IGF1R: variants seen among roughly 807,000 people sequenced by gnomAD.
The protein encoded by IGF1R is insulin-like growth factor 1 receptor.
Under a neutral mutation model 144.6 loss-of-function variants are expected in IGF1R, and 44 were observed. The ratio of observed to expected loss-of-function variants is 0.30; its 90% CI spans 0.24 to 0.39. The LOEUF (loss-of-function observed/expected upper bound fraction) is 0.39. Among genes scored for constraint, IGF1R ranks in the 10% least tolerant of loss-of-function variants. IGF1R has a pLI of 1.00. For missense variants in IGF1R, 1,355 were observed against 1,833.7 expected, an observed-to-expected ratio of 0.74 and a Z score of 4.77; for synonymous variants, 795 against 722.8, an observed-to-expected ratio of 1.10 and a Z score of -1.60.
chr15:98,661,751 C>T (rs1298546382), intron 1 of IGF1R, among the ~76,000 whole-genome samples: 3 of 152,180 alleles, frequency 2.0e-5, no homozygotes, highest in African/African-American at 7.2e-5. Flanking sequence ...AATAACACTG[C>T]TCTAGCAGGG....
intron 2 of IGF1R, among the ~76,000 whole-genome samples, chr15:98,837,938 C>T (rs1313128690): frequency 6.6e-6 from 1 of 152,208 alleles, no homozygotes; most frequent in Admixed American, 6.5e-5. Context: ...CATTGAGACT[C>T]TGCAGAATGC....
rs151035604 is a variant in IGF1R at position 98,869,199 on chromosome 15, T to C, written c.641-22126T>C. Among the ~76,000 whole-genome samples the C allele has an allele frequency of 2.7e-3, 408 of 152,276 alleles. 3 individuals are homozygous for C. Among genetic ancestry groups the C allele is most frequent in the African/African-American group, 9.5e-3 (394 of 41,544 alleles). On this transcript the variant is annotated intron_variant, in intron 2 of 20. Coordinates refer to ENST00000650285, the MANE Select transcript of IGF1R (RefSeq NM_000875.5). ...CTGTTGAAACATAGGAAAGTACTTA[T>C]CCGCCAGGAAACTCCCTTCTATTAT...
At chr15:98,718,682 C>T (rs566507232) in intron 2 of IGF1R, among the ~76,000 whole-genome samples, 2 of 152,282 alleles carry the variant, frequency 1.3e-5, no homozygotes, top group East Asian at 3.9e-4. Context: ...AGTGCTTGGA[C>T]GTGTTTTAGC....
chr15:98,916,619 A>T, intron 9 of IGF1R, 53 bp from the exon 10 acceptor site: 1 of 1,444,738 alleles, frequency 6.9e-7, no homozygotes, highest in South Asian at 1.1e-5. Context: ...CCTTACAAGC[A>T]TGTATAACGG....
chr15:98,656,806 C>A (rs73473423), intron 1 of IGF1R, among the ~76,000 whole-genome samples: 2 of 152,108 alleles, frequency 1.3e-5, no homozygotes, highest in Non-Finnish European at 2.9e-5. Context: ...TCCATCCATC[C>A]GTCCATCGTC....
At chr15:98,924,995 C>CT (rs5814912) in intron 13 of IGF1R, among the ~76,000 whole-genome samples, 126 of 148,612 alleles carry the variant, frequency 8.5e-4, no homozygotes, top group East Asian at 2.8e-3. Context: ...CATTCAAAGA[C>CT]TTTTTTTTTT....
At chr15:98,698,728 A>C (rs1394873105) in intron 1 of IGF1R, among the ~76,000 whole-genome samples, 1 of 152,248 alleles carries the variant, frequency 6.6e-6, no homozygotes, top group Non-Finnish European at 1.5e-5. Flanking sequence ...ATACTAGCCC[A>C]GTCCTTTTCC....
chr15:98,927,306 A>C (rs1254868988), intron 13 of IGF1R, among the ~76,000 whole-genome samples: 1 of 152,118 alleles, frequency 6.6e-6, no homozygotes, highest in African/African-American at 2.4e-5. Context: ...TCCTCAGAGG[A>C]GATGGAAGGT....
intron 2 of IGF1R, among the ~76,000 whole-genome samples, chr15:98,751,814 C>T (rs1298379739): frequency 6.6e-6 from 1 of 152,070 alleles, no homozygotes; most frequent in Non-Finnish European, 1.5e-5. Context: ...GGAGAAGCTT[C>T]CCACGAATAA....
At chr15:98,779,700 C>G (rs375790828) in intron 2 of IGF1R, among the ~76,000 whole-genome samples, 2 of 152,332 alleles carry the variant, frequency 1.3e-5, no homozygotes, top group South Asian at 2.1e-4. Flanking sequence ...GCACTTGACT[C>G]GAGCCTCTCC....
rs918905824 is a variant in IGF1R at position 98,767,416 on chromosome 15, T to A, written c.640+59309T>A. ...GAAGGGCATTTTGATACATGAGGCA[T>A]AACTGTAATTATCCGGTGGGGCTTG... is the stretch of plus-strand genomic sequence containing the variant. On this transcript the variant is annotated intron_variant, in intron 2 of 20. Transcript: ENST00000650285. Among the ~76,000 whole-genome samples the A allele has an allele frequency of 3.3e-5, 5 of 152,326 alleles. No homozygotes were observed. The East Asian group carries it at 9.7e-4, about 29-fold the overall frequency.
intron 2 of IGF1R, among the ~76,000 whole-genome samples, chr15:98,814,188 G>T (rs1316720803): frequency 2.6e-5 from 4 of 152,158 alleles, no homozygotes; most frequent in African/African-American, 9.7e-5. Flanking sequence ...ACTAGATCCT[G>T]TTGCAAAACC....
intron 2 of IGF1R, among the ~76,000 whole-genome samples, chr15:98,811,251 T>C (rs2056583545): frequency 6.7e-6 from 1 of 149,422 alleles, no homozygotes; most frequent in African/African-American, 2.5e-5. Context: ...CGGTGAGCCA[T>C]GGCTCATGCA....
intron 1 of IGF1R, among the ~76,000 whole-genome samples, chr15:98,690,391 A>G (rs540676447): frequency 2.6e-5 from 4 of 152,298 alleles, no homozygotes; most frequent in African/African-American, 9.6e-5. Context: ...AACAGGAGGT[A>G]AGGAGTAAAC....
chr15:98,725,918 G>T (rs4965431), intron 2 of IGF1R, among the ~76,000 whole-genome samples: 1 of 151,958 alleles, frequency 6.6e-6, no homozygotes, highest in African/African-American at 2.4e-5. Flanking sequence ...AGAATAGCAC[G>T]GGAAAGACCA....
rs1464508935 is a variant in IGF1R at position 98,688,376 on chromosome 15, ACTTT to A, written c.95-19179_95-19176del. ...CCACACTCTCTCTCCCCCGCTCCCA[ACTTT>A]CTTTCTCTCTTCGACTCACCACACA... On this transcript the variant is annotated intron_variant, in intron 1 of 20. Transcript: ENST00000650285. Among the ~76,000 whole-genome samples the A allele has an allele frequency of 3.0e-5, 3 of 99,922 alleles. No homozygotes were observed. In the East Asian group the frequency reaches 9.6e-4, roughly 32 times the overall value. The allele number at this position is 99,922 out of a possible 152,430, so 65.6% of individuals were successfully genotyped here. A position where few individuals can be genotyped will look rare whatever the true frequency, so the allele number is the denominator to read the frequency against.
At chr15:98,944,286 G>T (rs543523276) in intron 19 of IGF1R, among the ~76,000 whole-genome samples, 1 of 152,132 alleles carries the variant, frequency 6.6e-6, no homozygotes, top group Non-Finnish European at 1.5e-5. Flanking sequence ...AAATTCTGAC[G>T]AGCAGTTACT....
chr15:98,845,443 C>G (rs1386886509), intron 2 of IGF1R, among the ~76,000 whole-genome samples: 1 of 105,012 alleles, frequency 9.5e-6, no homozygotes, highest in East Asian at 3.5e-4. Context: ...CTCCCTCCTC[C>G]TCCTCCCCTC....
In IGF1R at chr15:98,916,274, T is replaced by G. The variant is rs545830507; in HGVS notation, c.1996+143T>G. 3 of 860,496 alleles carry G rather than the reference T, an allele frequency of 3.5e-6. No homozygotes were observed. The East Asian group carries it at 8.0e-5, about 23-fold the overall frequency. 53.3% of individuals were successfully genotyped at this position (860,496 alleles called of 1,614,324 possible). A position where few individuals can be genotyped will look rare whatever the true frequency, so the allele number is the denominator to read the frequency against. On this transcript the variant is annotated intron_variant, in intron 9 of 20. Coordinates refer to ENST00000650285, the MANE Select transcript of IGF1R (RefSeq NM_000875.5). ...AGCTATCTTCTGGTTTTTTTTTTTT[T>G]TTTTTGAGACAGAGTCTCACTCTGT...
Sources: gnomAD v4.1 joint callset for allele counts (sites outside exome capture counted in the v4.1 genomes callset) on GRCh38, gnomAD v4.1.1 for gene constraint, MANE v1.5 for transcripts, NCBI Gene and HGNC (gene_info 2026-07-23, HGNC 2026-07-21) for gene names.